CIB4: variants seen among roughly 807,000 people sequenced by gnomAD.
The protein encoded by CIB4 is calcium and integrin-binding family member 4.
CIB4 carries 25 observed loss-of-function variants against 25.8 expected under a neutral mutation model. The ratio of observed to expected loss-of-function variants is 0.97; its 90% confidence interval spans 0.71 to 1.35. The LOEUF (loss-of-function observed/expected upper bound fraction) is 1.35. Ranked by LOEUF, CIB4 falls within the 40% of genes most tolerant of loss-of-function variation. CIB4 has a pLI of 0.00. For missense variants in CIB4, 235 were observed against 228.2 expected, an observed-to-expected ratio of 1.03 and a Z score of -0.19; for synonymous variants, 75 against 81.4, an observed-to-expected ratio of 0.92 and a Z score of 0.42.
chr2:26,589,060 CTCTTCCTCT>C (rs1558554844), intron 4 of CIB4, among the ~76,000 whole-genome samples: 6 of 36,452 alleles, frequency 1.6e-4, no homozygotes, highest in Admixed American at 6.3e-4. Context: ...CTTCTTCTTC[CTCTTCCTCT>C]TCCTCTTCTT....
chr2:26,602,104 A>T (rs966333687), intron 3 of CIB4, among the ~76,000 whole-genome samples: 8 of 152,248 alleles, frequency 5.3e-5, no homozygotes, highest in Admixed American at 2.6e-4. Context: ...TACACCACAG[A>T]GTGAACTTTA....
chr2:26,589,205 T>TCCTCTTCTTCTTCCTCCTCCTCCC (rs1668539088), intron 4 of CIB4, among the ~76,000 whole-genome samples: 1 of 143,114 alleles, frequency 7.0e-6, no homozygotes, highest in African/African-American at 2.6e-5. Context: ...CCCTTCCCCT[T>TCCTCTTCTTCTTCCTCCTCCTCCC]CCTCTTCTTC....
chr2:26,603,248 A>G (rs527932453), intron 3 of CIB4, among the ~76,000 whole-genome samples: 28 of 152,326 alleles, frequency 1.8e-4, no homozygotes, highest in African/African-American at 6.7e-4. Context: ...AAAACACGCA[A>G]TGACTAAATG....
chr2:26,582,417 C>G (rs1458897998), intron 6 of CIB4, among the ~76,000 whole-genome samples: 2 of 152,172 alleles, frequency 1.3e-5, no homozygotes, highest in Non-Finnish European at 2.9e-5. Flanking sequence ...GGGTGCTTCT[C>G]TCATTGTTTC....
chr2:26,584,734 C>G (rs1668417458), intron 4 of CIB4, among the ~76,000 whole-genome samples: 1 of 152,206 alleles, frequency 6.6e-6, no homozygotes. Context: ...TTCACATCCC[C>G]CTGTAAAATA....
chr2:26,631,841 A>T (rs1057477762), intron 2 of CIB4, among the ~76,000 whole-genome samples: 1 of 152,156 alleles, frequency 6.6e-6, no homozygotes, highest in Non-Finnish European at 1.5e-5. Context: ...CCAGCCCCAC[A>T]CGACTCTGCA....
rs550373241 is a variant in CIB4, at chr2:26,626,283, C to T, written c.186+3127G>A. ...TTCATGCCTGGCCTGGTGCCCTATC[C>T]CTAGTTCTCTAGGTGGGGCAATGGC... On this transcript the variant is annotated intron_variant, in intron 3 of 6. Transcript: ENST00000288861. Among the ~76,000 whole-genome samples, 15 of 152,030 alleles carry T rather than the reference C, an allele frequency of 9.9e-5. No individual in the cohort carries two copies. In the South Asian group the frequency reaches 2.1e-3, roughly 21 times the overall value.
intron 3 of CIB4, among the ~76,000 whole-genome samples, chr2:26,610,087 C>T (rs1668970349): frequency 6.6e-6 from 1 of 152,160 alleles, no homozygotes; most frequent in Admixed American, 6.5e-5. Flanking sequence ...CTGGTTCCGG[C>T]CTACTGTTTA....
chr2:26,634,619 C>T (rs1669496030), intron 2 of CIB4, among the ~76,000 whole-genome samples: 1 of 152,172 alleles, frequency 6.6e-6, no homozygotes, highest in Non-Finnish European at 1.5e-5. Context: ...AAGACACTCC[C>T]CCGTGTTTGC....
chr2:26,613,260 A>G (rs1473138142), intron 3 of CIB4, among the ~76,000 whole-genome samples: 1 of 152,026 alleles, frequency 6.6e-6, no homozygotes, highest in Non-Finnish European at 1.5e-5. Flanking sequence ...AAGGGGCCCC[A>G]AGGTCACTTT....
chr2:26,593,359 T>C (rs1445235949), intron 4 of CIB4, among the ~76,000 whole-genome samples: 2 of 151,644 alleles, frequency 1.3e-5, no homozygotes, highest in African/African-American at 2.4e-5. Flanking sequence ...TATATACATA[T>C]ACATATATAC....
intron 3 of CIB4, among the ~76,000 whole-genome samples, chr2:26,605,806 A>T (rs1436708381): frequency 6.6e-6 from 1 of 152,234 alleles, no homozygotes; most frequent in East Asian, 1.9e-4. Flanking sequence ...GAAACAGCTC[A>T]AGCCCAAAGA....
At chr2:26,628,246 C>A (rs1212846807) in intron 3 of CIB4, among the ~76,000 whole-genome samples, 1 of 152,028 alleles carries the variant, frequency 6.6e-6, no homozygotes, top group Non-Finnish European at 1.5e-5. Flanking sequence ...AAGGGCAGGG[C>A]CTCTTCATAA....
At chr2:26,632,952 G>A (rs778987991) in intron 2 of CIB4, among the ~76,000 whole-genome samples, 6 of 151,880 alleles carry the variant, frequency 4.0e-5, no homozygotes, top group Non-Finnish European at 5.9e-5. Flanking sequence ...CTAAGGCAAC[G>A]CACAAGTGAG....
intron 3 of CIB4, among the ~76,000 whole-genome samples, chr2:26,612,640 T>A (rs568571754): frequency 6.6e-6 from 1 of 151,774 alleles, no homozygotes; most frequent in African/African-American, 2.4e-5. Context: ...TCTCGGTGAT[T>A]CTTCCTCTTC....
rs183997657 is a variant in CIB4 at position 26,591,194 on chromosome 2, G to A, written c.328+3982C>T. Among the ~76,000 whole-genome samples, 112 of 152,346 alleles carry A rather than the reference G, an allele frequency of 7.4e-4. 1 individual carries two copies. The highest frequency in any genetic ancestry group is 2.5e-3 in the African/African-American group (104 of 41,580). On this transcript the variant is annotated intron_variant, in intron 4 of 6. Transcript: ENST00000288861. ...GTGGCAGGCCTCTGGAGCCATGCTT[G>A]TTTCACAACTCTGCTTCTTTTTGGC...
chr2:26,587,365 A>T (rs2148189539), intron 4 of CIB4, among the ~76,000 whole-genome samples: 1 of 149,634 alleles, frequency 6.7e-6, no homozygotes, highest in Admixed American at 6.7e-5. Flanking sequence ...ACTTCTACAT[A>T]TTAGATAAAT....
At chr2:26,613,450 G>C (rs555606045) in intron 3 of CIB4, among the ~76,000 whole-genome samples, 2 of 152,288 alleles carry the variant, frequency 1.3e-5, no homozygotes, top group East Asian at 3.9e-4. Context: ...AGACTCCCCA[G>C]GTGGTCCTGC....
chr2:26,601,351 C>T (rs1418451318), intron 3 of CIB4, among the ~76,000 whole-genome samples: 1 of 150,178 alleles, frequency 6.7e-6, no homozygotes, highest in East Asian at 1.9e-4. Context: ...AATGGAGACT[C>T]CAGAAACAGA....
Sources: allele counts gnomAD v4.1 joint callset (sites outside exome capture counted in the v4.1 genomes callset), GRCh38; gene constraint gnomAD v4.1.1; transcripts MANE v1.5; gene names NCBI Gene and HGNC (gene_info 2026-07-23, HGNC 2026-07-21).